The following MYRIP variants were observed in gnomAD, a reference collection of about 807,000 sequenced individuals.
MYRIP encodes the protein rab effector MyRIP.
MYRIP carries 49 observed loss-of-function variants against 98.0 expected under a neutral mutation model. The observed-to-expected ratio is 0.50, with a 90% CI of 0.40 to 0.63. The LOEUF (loss-of-function observed/expected upper bound fraction) is 0.63, where lower values mean the gene tolerates loss of function less well. Ranked by LOEUF, MYRIP falls within the 30% of genes least tolerant of loss-of-function variation. The pLI is 0.00. For synonymous variants in MYRIP, 404 were observed against 409.5 expected (o/e 0.99, Z 0.16); for missense variants, 1,004 against 1,058.2 (o/e 0.95, Z 0.71).
Position 40,230,954 on chromosome 3 carries a change from T to C in MYRIP, c.1906-2905T>C, listed in dbSNP as rs553688814. ...AATTCTGCTGCTGCAGCCTCCCAAGTAGCTGGGATTACAGGTGCCTGCCGC... is the reference window on the plus strand; with the variant it reads ...AATTCTGCTGCTGCAGCCTCCCAAGCAGCTGGGATTACAGGTGCCTGCCGC... On this transcript the variant is annotated intron_variant, in intron 11 of 16. Transcript: ENST00000302541. Among the ~76,000 whole-genome samples, 17 of 152,208 alleles carry C rather than the reference T, an allele frequency of 1.1e-4. 1 individual carries two copies. Among genetic ancestry groups the C allele is most frequent in the African/African-American group, 3.9e-4 (16 of 41,542 alleles).
chr3:40,039,496 C>T (rs1012217252), intron 2 of MYRIP, among the ~76,000 whole-genome samples: 1 of 151,998 alleles, frequency 6.6e-6, no homozygotes, highest in Non-Finnish European at 1.5e-5. Context: ...CCCTTTGGAT[C>T]TTGCAACATG....
intron 2 of MYRIP, among the ~76,000 whole-genome samples, chr3:39,949,742 CAT>C (rs1445711693): frequency 6.6e-6 from 1 of 152,136 alleles, no homozygotes; most frequent in Non-Finnish European, 1.5e-5. Flanking sequence ...GGTTTGCTAT[CAT>C]ATTTGCAAGT....
intron 12 of MYRIP, among the ~76,000 whole-genome samples, chr3:40,238,955 G>A (rs1575669186): frequency 6.6e-6 from 1 of 151,832 alleles, no homozygotes; most frequent in African/African-American, 2.4e-5. Context: ...TGTGCACAAT[G>A]TGCAGGTTAG....
intron 9 of MYRIP, among the ~76,000 whole-genome samples, chr3:40,188,961 C>T (rs888328752): frequency 4.6e-5 from 7 of 152,216 alleles, no homozygotes; most frequent in Non-Finnish European, 5.9e-5. Context: ...CCCCAGCATG[C>T]AGATCAATCC....
intron 2 of MYRIP, among the ~76,000 whole-genome samples, chr3:39,907,413 C>T (rs1048086767): frequency 2.6e-5 from 4 of 152,086 alleles, no homozygotes; most frequent in Admixed American, 2.0e-4. Flanking sequence ...TCTGGATAAT[C>T]GACAGTGAGA....
intron 2 of MYRIP, among the ~76,000 whole-genome samples, chr3:39,994,784 C>A (rs1428513334): frequency 3.3e-5 from 5 of 152,170 alleles, no homozygotes; most frequent in South Asian, 4.1e-4. Flanking sequence ...TGGGAGGCAC[C>A]CCCCAGTAGG....
intron 3 of MYRIP, among the ~76,000 whole-genome samples, chr3:40,130,235 A>G (rs1284927763): frequency 6.6e-6 from 1 of 152,230 alleles, no homozygotes; most frequent in African/African-American, 2.4e-5. Context: ...TAGTTCAGTC[A>G]GTGACATATC....
chr3:40,169,553 C>A (rs1950566793), intron 7 of MYRIP, among the ~76,000 whole-genome samples: 1 of 152,186 alleles, frequency 6.6e-6, no homozygotes, highest in Admixed American at 6.5e-5. Context: ...TCCAGCTCCA[C>A]CATTTATGAG....
At chr3:39,936,643 A>ACC (rs1184961678) in intron 2 of MYRIP, among the ~76,000 whole-genome samples, 2 of 152,178 alleles carry the variant, frequency 1.3e-5, no homozygotes, top group Non-Finnish European at 2.9e-5. Flanking sequence ...AAAGAATCAG[A>ACC]AGGCAGAGCA....
chr3:40,027,892 C>T (rs1947171641), intron 2 of MYRIP, among the ~76,000 whole-genome samples: 1 of 151,982 alleles, frequency 6.6e-6, no homozygotes, highest in Non-Finnish European at 1.5e-5. Context: ...GCGGGACCAG[C>T]TAAGTGAGTT....
At chr3:39,987,747 G>A (rs955541416) in intron 2 of MYRIP, among the ~76,000 whole-genome samples, 3 of 152,152 alleles carry the variant, frequency 2.0e-5, no homozygotes, top group Admixed American at 2.0e-4. Flanking sequence ...AGTGATGTTG[G>A]ACTTTATTTC....
chr3:40,015,203 G>A (rs1197440037), intron 2 of MYRIP, among the ~76,000 whole-genome samples: 1 of 152,212 alleles, frequency 6.6e-6, no homozygotes, highest in African/African-American at 2.4e-5. Flanking sequence ...GAATCTCAGA[G>A]TTCTAATTGG....
intron 3 of MYRIP, among the ~76,000 whole-genome samples, chr3:40,126,265 C>T (rs1363369468): frequency 1.3e-5 from 2 of 152,170 alleles, no homozygotes; most frequent in Non-Finnish European, 2.9e-5. Context: ...TGGGGTGGGG[C>T]CGAACAAGCT....
intron 3 of MYRIP, among the ~76,000 whole-genome samples, chr3:40,101,731 T>C (rs956248738): frequency 1.3e-5 from 2 of 152,244 alleles, no homozygotes; most frequent in African/African-American, 4.8e-5. Flanking sequence ...GTAATGCTAT[T>C]GCTTCATACC....
At chr3:39,883,080 A>C (rs1323476376) in intron 1 of MYRIP, among the ~76,000 whole-genome samples, 20 of 152,194 alleles carry the variant, frequency 1.3e-4, no homozygotes. Flanking sequence ...TGAGAACAGC[A>C]TTTGAGGCCA....
In MYRIP at chr3:40,060,685, G is replaced by A. The variant is rs185634019; in HGVS notation, c.332+16414G>A. Among the ~76,000 whole-genome samples, 190 of 149,898 alleles carry A rather than the reference G, an allele frequency of 1.3e-3. 3 individuals are homozygous for A. The highest frequency in any genetic ancestry group is 5.9e-3 in the East Asian group (29 of 4,890). On this transcript the variant is annotated intron_variant, in intron 3 of 16. Transcript: ENST00000302541. ...CAGCTCACTGCAACCTCCACCTCCT[G>A]GGTTCAAGCAATAATCTTGCCTCAG...
At chr3:40,140,513 T>C (rs1422901525) in intron 3 of MYRIP, among the ~76,000 whole-genome samples, 1 of 152,168 alleles carries the variant, frequency 6.6e-6, no homozygotes, top group African/African-American at 2.4e-5. Flanking sequence ...GATAGTTCTA[T>C]TTGTAGTTTG....
At chr3:39,920,857 C>T (rs981245973) in intron 2 of MYRIP, among the ~76,000 whole-genome samples, 1 of 152,152 alleles carries the variant, frequency 6.6e-6, no homozygotes, top group African/African-American at 2.4e-5. Context: ...TGGGCTGGTT[C>T]TTCGTGAGTC....
chr3:39,986,110 A>G (rs2125765516), intron 2 of MYRIP, among the ~76,000 whole-genome samples: 1 of 152,312 alleles, frequency 6.6e-6, no homozygotes, highest in East Asian at 1.9e-4. Context: ...GATGTTCAAT[A>G]TTACTCACAC....
Sources: gnomAD v4.1 joint callset for allele counts (sites outside exome capture counted in the v4.1 genomes callset) on GRCh38, gnomAD v4.1.1 for gene constraint, MANE v1.5 for transcripts, NCBI Gene and HGNC (gene_info 2026-07-23, HGNC 2026-07-21) for gene names.